Variants in ANKFN1 observed in about 807,000 individuals in gnomAD.
ANKFN1 encodes the protein ankyrin repeat and fibronectin type-III domain-containing protein 1.
ANKFN1 carries 74 observed loss-of-function variants against 108.7 expected under a neutral mutation model. That is an observed-to-expected ratio of 0.68 (90% CI 0.56 to 0.83). The LOEUF is 0.83. ANKFN1 is among the 40% of genes least tolerant of loss of function. ANKFN1 has a pLI of 0.00. For synonymous variants in ANKFN1, 547 were observed against 516.2 expected, an observed-to-expected ratio of 1.06 and a Z score of -0.81; for missense variants, 1,505 against 1,382.3, an observed-to-expected ratio of 1.09 and a Z score of -1.41.
intron 20 of ANKFN1, among the ~76,000 whole-genome samples, chr17:56,509,460 G>A (rs2051673399): frequency 6.6e-6 from 1 of 152,154 alleles, no homozygotes; most frequent in African/African-American, 2.4e-5. Flanking sequence ...AGCTAAGCCA[G>A]GTCCCTTTAT....
intron 3 of ANKFN1, among the ~76,000 whole-genome samples, chr17:56,271,717 G>T (rs1411701231): frequency 6.6e-6 from 1 of 151,734 alleles, no homozygotes; most frequent in Admixed American, 6.5e-5. Flanking sequence ...ATATTAGAAG[G>T]CTTGATGCTA....
intron 1 of ANKFN1, among the ~76,000 whole-genome samples, chr17:56,176,778 G>A (rs1207645366): frequency 6.6e-6 from 1 of 152,188 alleles, no homozygotes; most frequent in African/African-American, 2.4e-5. Flanking sequence ...GATGAAGGTA[G>A]AGCCAGAAAG....
intron 8 of ANKFN1, among the ~76,000 whole-genome samples, chr17:56,421,290 G>A (rs2048397514): frequency 6.6e-6 from 1 of 152,220 alleles, no homozygotes; most frequent in African/African-American, 2.4e-5. Flanking sequence ...GGAATGAGAT[G>A]CCTCAATGAG....
intron 8 of ANKFN1, among the ~76,000 whole-genome samples, chr17:56,434,426 G>A (rs2048865766): frequency 6.7e-6 from 1 of 150,138 alleles, no homozygotes; most frequent in Admixed American, 6.6e-5. Flanking sequence ...TGATGAAAAA[G>A]CCTTTTGCCC....
At chr17:56,416,441 G>T (rs1452313838) in intron 8 of ANKFN1, among the ~76,000 whole-genome samples, 1 of 152,084 alleles carries the variant, frequency 6.6e-6, no homozygotes, top group African/African-American at 2.4e-5. Context: ...TGAAAAACAG[G>T]CATATTAAAA....
chr17:56,216,461 G>C (rs1348773026), intron 2 of ANKFN1, among the ~76,000 whole-genome samples: 1 of 152,176 alleles, frequency 6.6e-6, no homozygotes, highest in East Asian at 1.9e-4. Context: ...ATGTCATGTA[G>C]AAAAGATTTG....
At chr17:56,498,104 T>C (rs2051257025) in intron 19 of ANKFN1, among the ~76,000 whole-genome samples, 1 of 151,998 alleles carries the variant, frequency 6.6e-6, no homozygotes. Flanking sequence ...AACCCAAAAA[T>C]CAAAATGGAA....
At chr17:56,456,130 A>G (rs906827313) in intron 11 of ANKFN1, among the ~76,000 whole-genome samples, 1 of 152,222 alleles carries the variant, frequency 6.6e-6, no homozygotes, top group Non-Finnish European at 1.5e-5. Flanking sequence ...TTAACACAAT[A>G]CGTAGACTTA....
intron 3 of ANKFN1, among the ~76,000 whole-genome samples, chr17:56,300,546 T>C (rs1375250567): frequency 1.3e-5 from 2 of 152,136 alleles, no homozygotes; most frequent in Non-Finnish European, 2.9e-5. Context: ...GCCTTTATAA[T>C]GATATTTTTT....
At chr17:56,050,284 G>A (rs1479488630) in intron 4 of ANKFN1, among the ~76,000 whole-genome samples, 1 of 148,932 alleles carries the variant, frequency 6.7e-6, no homozygotes, top group Non-Finnish European at 1.5e-5. Context: ...TGTAGATTCT[G>A]GATATTAGCC....
chr17:56,229,662 A>C (rs959565149), intron 3 of ANKFN1, among the ~76,000 whole-genome samples: 1 of 57,928 alleles, frequency 1.7e-5, no homozygotes, highest in Non-Finnish European at 3.1e-5. Context: ...TTCAGATTGC[A>C]AAAAAAAAAA....
At chr17:56,173,619 A>G (rs1278562546) in intron 1 of ANKFN1, among the ~76,000 whole-genome samples, 1 of 151,782 alleles carries the variant, frequency 6.6e-6, no homozygotes, top group Non-Finnish European at 1.5e-5. Flanking sequence ...TACCATGCCC[A>G]GCTATTTTTT....
In ANKFN1 at chr17:56,411,960, T is replaced by C. The variant is rs568472310; in HGVS notation, c.911-28367T>C. Among the ~76,000 whole-genome samples, 11 of 152,308 alleles carry C rather than the reference T, an allele frequency of 7.2e-5. No individual in the cohort carries two copies. In the East Asian group the frequency reaches 2.1e-3, roughly 29 times the overall value. ...TGGCCTGTAGATTTCTTTTCTTGTG[T>C]TATTCCTTGGCTTTGGTATCAGGGT... On this transcript the variant is annotated intron_variant, in intron 8 of 20. Transcript: ENST00000682825.
intron 4 of ANKFN1, among the ~76,000 whole-genome samples, chr17:56,343,183 A>G (rs1381755536): frequency 2.0e-5 from 3 of 151,544 alleles, no homozygotes; most frequent in African/African-American, 7.3e-5. Context: ...TTTTGAGTCT[A>G]TATGTGTCAT....
intron 8 of ANKFN1, among the ~76,000 whole-genome samples, chr17:56,389,212 T>C (rs2047361464): frequency 6.6e-6 from 1 of 152,210 alleles, no homozygotes; most frequent in South Asian, 2.1e-4. Flanking sequence ...TACCATGGAA[T>C]ACTACTCAGC....
At chr17:56,506,285 G>T (rs569573772) in intron 20 of ANKFN1, among the ~76,000 whole-genome samples, 1 of 150,242 alleles carries the variant, frequency 6.7e-6, no homozygotes, top group East Asian at 2.0e-4. Context: ...TTGAAAAAAG[G>T]GTCATTGCAG....
rs574874367 is a variant in ANKFN1 at position 56,268,014 on chromosome 17, T to C, written c.53+40057T>C. On this transcript the variant is annotated intron_variant, in intron 3 of 20. Transcript: ENST00000682825. ...CTGCTTTAACAATATTTATTCTTCC[T>C]GTCCATGAGCATGGAATGAAAACTA... Among the ~76,000 whole-genome samples the C allele has an allele frequency of 2.0e-5, 3 of 152,316 alleles. No individual in the cohort carries two copies. In the South Asian group the frequency reaches 6.2e-4, roughly 32 times the overall value.
chr17:56,365,461 T>C (rs191011044), intron 6 of ANKFN1, among the ~76,000 whole-genome samples: 49 of 152,328 alleles, frequency 3.2e-4, no homozygotes, highest in African/African-American at 1.2e-3. Context: ...TTACAAGTTA[T>C]AAGACAAGTG....
rs558017581 is a variant in ANKFN1 at position 56,072,697 on chromosome 17, T to G, written c.288+26372T>G. ...TAACTCACTTTGAGTGTTTTCAGAA[T>G]TGGAGACAATCAATGTAAGTCACCT... is the stretch of plus-strand genomic sequence containing the variant. On this transcript the variant is annotated intron_variant, in intron 4 of 12. Coordinates refer to the ANKFN1 transcript ENST00000635860. 6.6e-5 allele frequency among the ~76,000 whole-genome samples: 10 copies of G among 152,368 alleles called. No individual in the cohort carries two copies. The South Asian group carries it at 1.9e-3, about 28-fold the overall frequency.
Sources: gnomAD v4.1 joint callset for allele counts (sites outside exome capture counted in the v4.1 genomes callset) on GRCh38, gnomAD v4.1.1 for gene constraint, MANE v1.5 for transcripts, NCBI Gene and HGNC (gene_info 2026-07-23, HGNC 2026-07-21) for gene names.